Variants in PALM2AKAP2 observed in about 807,000 individuals in gnomAD.
PALM2AKAP2 encodes PALM2 and AKAP2 fusion, also known as PALM2-AKAP2 fusion protein.
In PALM2AKAP2, 37 loss-of-function variants were observed where a neutral mutation model predicts 71.5. That is an observed-to-expected ratio of 0.52 (90% confidence interval 0.40 to 0.68). The LOEUF is 0.68. Among genes scored for constraint, PALM2AKAP2 ranks in the 30% least tolerant of loss-of-function variants. The probability of loss-of-function intolerance (pLI) is 0.00; values close to 1 mark genes in which losing one functional copy is unlikely to be tolerated. For synonymous variants in PALM2AKAP2, 468 were observed against 478.8 expected (o/e 0.98, Z 0.29); for missense variants, 1,224 against 1,191.8 (o/e 1.03, Z -0.40).
intron 2 of PALM2AKAP2, among the ~76,000 whole-genome samples, chr9:110,139,168 A>T (rs1049646570): frequency 6.6e-6 from 1 of 152,218 alleles, no homozygotes; most frequent in East Asian, 1.9e-4. Flanking sequence ...GGAAAAGTTG[A>T]ATTACTCTTC....
At chr9:110,025,268 T>C (rs972519148) in intron 7 of PALM2AKAP2, 3 of 1,154,240 alleles carry the variant, frequency 2.6e-6, no homozygotes, top group Non-Finnish European at 3.9e-6. Context: ...TAGATTCGCA[T>C]ATACGTGGCC....
chr9:110,037,534 C>G (rs1228906664), intron 7 of PALM2AKAP2, among the ~76,000 whole-genome samples: 2 of 152,198 alleles, frequency 1.3e-5, no homozygotes, highest in Non-Finnish European at 2.9e-5. Context: ...TGAGCACCTA[C>G]TCTATGCCAA....
intron 1 of PALM2AKAP2, among the ~76,000 whole-genome samples, chr9:109,856,275 A>T (rs1829161780): frequency 6.6e-6 from 1 of 152,258 alleles, no homozygotes; most frequent in Non-Finnish European, 1.5e-5. Context: ...AATTGCAAAC[A>T]AAGCACTGAG....
At chr9:109,758,049 A>C (rs1219190209) in intron 1 of PALM2AKAP2, among the ~76,000 whole-genome samples, 1 of 152,080 alleles carries the variant, frequency 6.6e-6, no homozygotes, top group Non-Finnish European at 1.5e-5. Flanking sequence ...TTCCAGGGAT[A>C]GTCCAAGTAT....
upstream of PALM2AKAP2, among the ~76,000 whole-genome samples, chr9:109,776,582 T>C (rs1271386402): frequency 2.6e-5 from 4 of 152,236 alleles, no homozygotes; most frequent in African/African-American, 9.6e-5. Flanking sequence ...TTGCCTGCCA[T>C]ACCATGGCTT....
chr9:110,001,769 C>T (rs557476622), intron 6 of PALM2AKAP2, among the ~76,000 whole-genome samples: 10 of 152,128 alleles, frequency 6.6e-5, no homozygotes, highest in South Asian at 2.1e-4. Flanking sequence ...TTATTCTCTT[C>T]GAAGCAATTG....
At chr9:110,098,990 A>G (rs1834927636) in intron 1 of PALM2AKAP2, among the ~76,000 whole-genome samples, 1 of 152,174 alleles carries the variant, frequency 6.6e-6, no homozygotes, top group South Asian at 2.1e-4. Context: ...CAGTTAAGTG[A>G]TTACTTTCAA....
At chr9:109,930,027 C>T (rs1231240397) in intron 5 of PALM2AKAP2, among the ~76,000 whole-genome samples, 1 of 152,068 alleles carries the variant, frequency 6.6e-6, no homozygotes, top group Non-Finnish European at 1.5e-5. Context: ...CATCTCCCAG[C>T]CCACCATCAT....
intron 1 of PALM2AKAP2, among the ~76,000 whole-genome samples, chr9:110,097,178 C>G (rs190280826): frequency 0.017 from 2,548 of 151,036 alleles, 55 homozygotes; most frequent in African/African-American, 0.059. Context: ...TGCCTTCAAG[C>G]GTCTGTTTAA....
In PALM2AKAP2 at chr9:109,691,939, T is replaced by TAC. The variant is rs1174713042; in HGVS notation, c.5+51077_5+51078dup. ...ATATATATATACACATATATATATATACACATATATATATATACATATATA... is the reference window on the plus strand; with the variant it reads ...ATATATATATACACATATATATATATACACACATATATATATATACATATATA... On this transcript the variant is annotated intron_variant, in intron 1 of 6. Coordinates refer to the PALM2AKAP2 transcript ENST00000374531. 1.4e-4 allele frequency among the ~76,000 whole-genome samples: 18 copies of TAC among 126,318 alleles called. No homozygotes were observed. The East Asian group carries it at 4.0e-3, about 28-fold the overall frequency. The allele number at this position is 126,318 out of a possible 152,430, so 82.9% of individuals were successfully genotyped here. A position where few individuals can be genotyped will look rare whatever the true frequency, so the allele number is the denominator to read the frequency against.
chr9:109,643,055 AAGAG>A (rs1478257674), intron 1 of PALM2AKAP2, among the ~76,000 whole-genome samples: 2 of 148,002 alleles, frequency 1.4e-5, no homozygotes, highest in Non-Finnish European at 3.0e-5. Context: ...GAAGAAGAAA[AAGAG>A]AAAGAAAGAA....
At chr9:110,148,749 G>C (rs1443087312) in intron 2 of PALM2AKAP2, 1 of 152,158 alleles carries the variant, frequency 6.6e-6, no homozygotes, top group African/African-American at 2.4e-5. Context: ...ATACGAGTGG[G>C]TGAAGGCTTT....
intron 1 of PALM2AKAP2, among the ~76,000 whole-genome samples, chr9:109,733,822 A>T (rs918056948): frequency 1.3e-5 from 2 of 152,178 alleles, no homozygotes; most frequent in Non-Finnish European, 2.9e-5. Flanking sequence ...TTGGGGAAAG[A>T]CTTTTGTTTT....
intron 1 of PALM2AKAP2, among the ~76,000 whole-genome samples, chr9:109,710,835 CATTGG>C (rs1828223568): frequency 6.6e-6 from 1 of 152,140 alleles, no homozygotes; most frequent in African/African-American, 2.4e-5. Flanking sequence ...TGGTGTCTGC[CATTGG>C]CTCCATGGGC....
chr9:110,138,322 C>T lies in PALM2AKAP2; in HGVS notation c.2352C>T (p.Ser784=), dbSNP rs545952225. 4 of 1,614,222 alleles carry T rather than the reference C, an allele frequency of 2.5e-6. No individual in the cohort carries two copies. In the African/African-American group the frequency reaches 4.0e-5, roughly 16 times the overall value. The change falls in exon 2 of 4, where the codon TCC becomes TCT. Residue 784 remains serine (S), a synonymous_variant. Coordinates refer to ENST00000374525, the Ensembl canonical transcript of PALM2AKAP2. ...CAGCTGAGCTGAGAAGCACAGCCTC[C>T]CTCCTGGCCACTCAAGAATCTGACG...
upstream of PALM2AKAP2, among the ~76,000 whole-genome samples, chr9:110,044,127 A>G (rs1033977362): frequency 5.3e-5 from 8 of 152,038 alleles, no homozygotes; most frequent in African/African-American, 1.9e-4. Context: ...TATATGTTGC[A>G]AATATTTCCC....
At chr9:110,155,344 G>A (rs1292174758) in intron 2 of PALM2AKAP2, among the ~76,000 whole-genome samples, 1 of 152,152 alleles carries the variant, frequency 6.6e-6, no homozygotes, top group Non-Finnish European at 1.5e-5. Context: ...ACCACAAAGG[G>A]CATAATTGGA....
chr9:109,713,848 C>T (rs1349772244), intron 1 of PALM2AKAP2, among the ~76,000 whole-genome samples: 1 of 152,178 alleles, frequency 6.6e-6, no homozygotes, highest in Admixed American at 6.6e-5. Flanking sequence ...TTACATATTA[C>T]ATTTTTCAAA....
chr9:110,164,904 T>C (rs1158690652), intron 3 of PALM2AKAP2, among the ~76,000 whole-genome samples: 2 of 152,166 alleles, frequency 1.3e-5, no homozygotes, highest in African/African-American at 4.8e-5. Flanking sequence ...ATTGCTCTTC[T>C]CTGGTGTGTC....
Sources: gnomAD v4.1 joint callset for allele counts (sites outside exome capture counted in the v4.1 genomes callset) on GRCh38, gnomAD v4.1.1 for gene constraint, MANE v1.5 for transcripts, NCBI Gene and HGNC (gene_info 2026-07-23, HGNC 2026-07-21) for gene names.